PHLPP2: variants seen among roughly 807,000 people sequenced by gnomAD.
PHLPP2 encodes the protein PH domain leucine-rich repeat-containing protein phosphatase 2.
Under a neutral mutation model 124.9 loss-of-function variants are expected in PHLPP2, and 66 were observed. That is an observed-to-expected ratio of 0.53 (90% CI 0.43 to 0.65). The LOEUF (loss-of-function observed/expected upper bound fraction) is 0.65. Ranked by LOEUF, PHLPP2 falls within the 30% of genes least tolerant of loss-of-function variation. PHLPP2 has a pLI of 0.00. For missense variants in PHLPP2, 1,685 were observed against 1,600.4 expected (o/e 1.05, Z -0.90); for synonymous variants, 681 against 624.7 (o/e 1.09, Z -1.34).
chr16:71,681,379 G>T (rs767923969), intron 6 of PHLPP2, among the ~76,000 whole-genome samples: 8 of 152,200 alleles, frequency 5.3e-5, no homozygotes, highest in Non-Finnish European at 1.2e-4. Context: ...ATAGAGCCTT[G>T]TCTCTCAGAG....
Position 71,648,797 on chromosome 16 carries a change from A to G in PHLPP2, c.*93T>C, listed in dbSNP as rs555083461. On this transcript the variant is annotated 3_prime_UTR_variant, in exon 19 of 19. Transcript: ENST00000568954. ...AAACAAACAAACAAAAAAAAAACGAACAAACAAAAAGAAATGTAGAGGCAG... is the reference window on the plus strand; with the variant it reads ...AAACAAACAAACAAAAAAAAAACGAGCAAACAAAAAGAAATGTAGAGGCAG... 95 of 944,236 alleles carry G rather than the reference A, an allele frequency of 1.0e-4. 2 individuals are homozygous for G. In the South Asian group the frequency reaches 1.5e-3, roughly 15 times the overall value. 58.5% of individuals were successfully genotyped at this position (944,236 alleles called of 1,614,324 possible).
Position 71,649,461 on chromosome 16 carries a change from G to A in PHLPP2, c.3401C>T (p.Ser1134Phe). The change falls in exon 19 of 19, where the codon TCT (serine) becomes TTT (phenylalanine). Residue 1134 changes from serine to phenylalanine, a missense_variant. By Grantham distance (155) the Ser-to-Phe change is radical. Coordinates refer to ENST00000568954, the MANE Select transcript of PHLPP2 (RefSeq NM_015020.3). The stretch of plus-strand genomic sequence containing the variant: ...CTGGTTACTGGAGAAGGTAGCAGAA[G>A]AAGGCTGGCGCTGAAACAGCCCAGA... Reference protein sequence around the residue: ...PTSGLFQRQPSSATFSSNQSD... With the variant: ...PTSGLFQRQPFSATFSSNQSD... The A allele has an allele frequency of 6.2e-7, 1 of 1,614,152 alleles. No homozygotes were observed. Among genetic ancestry groups the A allele is most frequent in the Non-Finnish European group, 8.5e-7 (1 of 1,180,026 alleles).
At chr16:71,688,238 G>C (rs2045072464) in intron 4 of PHLPP2, among the ~76,000 whole-genome samples, 1 of 152,112 alleles carries the variant, frequency 6.6e-6, no homozygotes, top group African/African-American at 2.4e-5. Flanking sequence ...CTACAAGAGG[G>C]TTCCGCTAGA....
intron 1 of PHLPP2, among the ~76,000 whole-genome samples, chr16:71,719,487 C>T (rs1331510720): frequency 6.6e-6 from 1 of 152,114 alleles, no homozygotes; most frequent in Non-Finnish European, 1.5e-5. Context: ...CTGCAGTGAG[C>T]GGAGATCACG....
chr16:71,667,246 G>C lies in PHLPP2; in HGVS notation c.1716C>G (p.Leu572=), dbSNP rs1297660963. The C allele has an allele frequency of 2.5e-6, 4 of 1,613,450 alleles. No individual in the cohort carries two copies. The highest frequency in any genetic ancestry group is 3.4e-6 in the Non-Finnish European group (4 of 1,179,618). Residue 572 remains leucine (L), a synonymous_variant, in exon 12 of 19, where the codon CTC becomes CTG. Transcript: ENST00000568954. ...CATTATGCTGAAGATCCAGCACCTCGAGGGGGATGTGCTCTACCAGTGTTG... is the reference window on the plus strand; with the variant it reads ...CATTATGCTGAAGATCCAGCACCTCCAGGGGGATGTGCTCTACCAGTGTTG... The part of the protein sequence containing the change: ...NLPTLVEHIP[L]EVLDLQHNAL...
At chr16:71,715,069 C>G in intron 1 of PHLPP2, 1 of 439,628 alleles carries the variant, frequency 2.3e-6, no homozygotes, top group East Asian at 4.6e-5. Flanking sequence ...AATAACGAAA[C>G]AGCGGGTTGC....
chr16:71,651,077 C>T (rs1025199189), intron 18 of PHLPP2, among the ~76,000 whole-genome samples: 5 of 152,294 alleles, frequency 3.3e-5, no homozygotes, highest in African/African-American at 1.2e-4. Context: ...CGGTGGCTCA[C>T]GCCTGTAATC....
chr16:71,684,444 T>C (rs2045033681), intron 5 of PHLPP2, 32 bp downstream of exon 5: 2 of 1,612,032 alleles, frequency 1.2e-6, no homozygotes, highest in Non-Finnish European at 8.5e-7. Flanking sequence ...TCTATTCTTA[T>C]CTCCACATCA....
At chr16:71,684,940 C>A (rs376204070) in intron 4 of PHLPP2, among the ~76,000 whole-genome samples, 1 of 152,162 alleles carries the variant, frequency 6.6e-6, no homozygotes, top group African/African-American at 2.4e-5. Context: ...CAGTCCAATT[C>A]AAATCTCTTT....
At chr16:71,663,863 T>G in intron 13 of PHLPP2, 36 bp downstream of exon 13, 4 of 1,441,814 alleles carry the variant, frequency 2.8e-6, no homozygotes, top group East Asian at 2.3e-5. Flanking sequence ...ATTAATGTTG[T>G]GTATTTGAAA....
rs573771905 is a variant in PHLPP2, at chr16:71,644,929, A to G, written c.*3961T>C. The G allele has an allele frequency of 2.3e-5, 8 of 350,658 alleles. No homozygotes were observed. Among genetic ancestry groups the G allele is most frequent in the South Asian group, 1.7e-4 (8 of 46,036 alleles). The allele number at this position is 350,658 out of a possible 1,614,324, so 21.7% of individuals were successfully genotyped here. A position where few individuals can be genotyped will look rare whatever the true frequency, so the allele number is the denominator to read the frequency against. ...ATGAAATAACAAGCACTCCATTTTA[A>G]AACAAAGCCATGAAAAAGATTCCAC... On this transcript the variant is annotated 3_prime_UTR_variant, in exon 19 of 19. Coordinates refer to ENST00000568954, the MANE Select transcript of PHLPP2 (RefSeq NM_015020.3).
Position 71,650,073 on chromosome 16 carries a change from G to C in PHLPP2, c.2818-29C>G, listed in dbSNP as rs750151844. On this transcript the variant is annotated intron_variant, in intron 18 of 18. Transcript: ENST00000568954. ...CAGAAGAGCAGGACACAAATTCTGA[G>C]AAACAAGCAACGATGAGAGCCAACT... 5 of 1,569,452 alleles carry C rather than the reference G, an allele frequency of 3.2e-6. No individual in the cohort carries two copies. In the East Asian group the frequency reaches 1.1e-4, roughly 35 times the overall value.
chr16:71,693,184 G>A (rs959116784), intron 3 of PHLPP2, among the ~76,000 whole-genome samples: 3 of 152,180 alleles, frequency 2.0e-5, no homozygotes, highest in Non-Finnish European at 4.4e-5. Context: ...CTACTCAGGA[G>A]GCTGAGGCAG....
At chr16:71,671,797 C>T (rs2044895610) in intron 10 of PHLPP2, among the ~76,000 whole-genome samples, 1 of 151,740 alleles carries the variant, frequency 6.6e-6, no homozygotes. Context: ...GCCTTTAGTC[C>T]CAGCTACTCG....
chr16:71,676,506 T>G lies in PHLPP2; in HGVS notation c.1412A>C (p.Gln471Pro). 6.2e-7 allele frequency: 1 copy of G among 1,614,248 alleles called. No individual in the cohort carries two copies. Among genetic ancestry groups the G allele is most frequent in the Non-Finnish European group, 8.5e-7 (1 of 1,180,036 alleles). Residue 471 changes from glutamine (Q) to proline (P), a missense_variant, in exon 9 of 19, where the codon CAG (glutamine) becomes CCG (proline). Transcript: ENST00000568954. ...SLEQLHCGRN[Q>P]LRELTLSGFS... ...GCCACTGAGTGTTAGCTCCCTCAGCTGATTCCGCCCACAGTGCAGCTGTTC... is the reference window on the plus strand; with the variant it reads ...GCCACTGAGTGTTAGCTCCCTCAGCGGATTCCGCCCACAGTGCAGCTGTTC...
At chr16:71,661,502 TA>T in intron 13 of PHLPP2, among the ~76,000 whole-genome samples, 1 of 152,340 alleles carries the variant, frequency 6.6e-6, no homozygotes, top group South Asian at 2.1e-4. Flanking sequence ...TTATGCCTGG[TA>T]CCATCCAACA....
intron 1 of PHLPP2, among the ~76,000 whole-genome samples, chr16:71,716,446 T>C (rs1301455931): frequency 1.3e-5 from 2 of 152,228 alleles, no homozygotes; most frequent in Non-Finnish European, 2.9e-5. Context: ...AATTCATATA[T>C]TGCCAAGTTA....
chr16:71,676,635 T>A lies in PHLPP2; in HGVS notation c.1283A>T (p.Lys428Ile). Residue 428 changes from lysine (K) to isoleucine (I), a missense_variant, in exon 9 of 19, where the codon AAA (lysine) becomes ATA (isoleucine). Physicochemically the swap from Lys to Ile is moderately radical, Grantham distance 102. Transcript: ENST00000568954. Reference protein sequence around the residue: ...KHVDLRMNHLKTMVIENLEGN... With the variant: ...KHVDLRMNHLITMVIENLEGN... ...CTCCAGATTTTCAATAACCATGGTT[T>A]TCAAATGGTTCATCCTTAATACGCA... The A allele has an allele frequency of 6.2e-7, 1 of 1,610,188 alleles. No homozygotes were observed.
chr16:71,697,801 TTCTC>T (rs1010554941), intron 3 of PHLPP2, among the ~76,000 whole-genome samples: 1 of 146,692 alleles, frequency 6.8e-6, no homozygotes, highest in Non-Finnish European at 1.5e-5. Flanking sequence ...GGTTTGCTCT[TTCTC>T]TCTCTCTCTC....
Sources: gnomAD v4.1 joint callset for allele counts (sites outside exome capture counted in the v4.1 genomes callset) on GRCh38, gnomAD v4.1.1 for gene constraint, MANE v1.5 for transcripts, NCBI Gene and HGNC (gene_info 2026-07-23, HGNC 2026-07-21) for gene names.